The following WWOX variants were observed in gnomAD, a reference collection of about 807,000 sequenced individuals.
The protein encoded by WWOX is WW domain containing oxidoreductase.
In WWOX, 69 loss-of-function variants were observed where a neutral mutation model predicts 46.2. The ratio of observed to expected loss-of-function variants is 1.49; its 90% confidence interval spans 1.23 to 1.82. The LOEUF is 1.82. Ranked by LOEUF, WWOX falls within the 40% of genes most tolerant of loss-of-function variation. WWOX has a pLI of 0.00. For synonymous variants in WWOX, 359 were observed against 202.6 expected, an observed-to-expected ratio of 1.77 and a Z score of -6.56; for missense variants, 919 against 542.6, an observed-to-expected ratio of 1.69 and a Z score of -6.89.
intron 8 of WWOX, among the ~76,000 whole-genome samples, chr16:78,948,306 A>G (rs1352266381): frequency 6.6e-6 from 1 of 152,146 alleles, no homozygotes; most frequent in African/African-American, 2.4e-5. Context: ...TTGCTGTCTC[A>G]CCAAAGAACT....
intron 8 of WWOX, among the ~76,000 whole-genome samples, chr16:78,789,837 C>T (rs7195449): frequency 0.4 from 61,136 of 151,860 alleles, 12,850 homozygotes; most frequent in East Asian, 0.56. Context: ...GATATATTTT[C>T]GTTAATTCCT....
intron 8 of WWOX, among the ~76,000 whole-genome samples, chr16:78,826,444 A>C (rs189143611): frequency 1.4e-3 from 208 of 152,296 alleles, no homozygotes; most frequent in African/African-American, 4.8e-3. Flanking sequence ...TCTAGCTAAG[A>C]ATCTGTTCCT....
At chr16:78,571,883 T>G (rs970869479) in intron 8 of WWOX, among the ~76,000 whole-genome samples, 2 of 152,124 alleles carry the variant, frequency 1.3e-5, no homozygotes, top group African/African-American at 4.8e-5. Context: ...GGCATTGCTG[T>G]TAATACAACA....
chr16:78,743,929 G>A (rs1257294014), intron 8 of WWOX, among the ~76,000 whole-genome samples: 4 of 152,162 alleles, frequency 2.6e-5, no homozygotes, highest in Admixed American at 2.0e-4. Flanking sequence ...TGCTTGGGCT[G>A]CTCCCACCGT....
At chr16:78,101,418 T>C (rs10871346) in intron 1 of WWOX, among the ~76,000 whole-genome samples, 117,127 of 143,026 alleles carry the variant, frequency 0.82, 48,044 homozygotes, top group East Asian at 0.86. Flanking sequence ...GCGATCTCGG[T>C]TCACTGCAAC....
chr16:79,016,158 T>G (rs1214598551), intron 8 of WWOX: 2 of 152,408 alleles, frequency 1.3e-5, no homozygotes, highest in East Asian at 1.9e-4. Context: ...CAAAAGGCCC[T>G]GAATGTTTCA....
intron 8 of WWOX, among the ~76,000 whole-genome samples, chr16:78,893,379 T>C (rs1168695092): frequency 6.6e-6 from 1 of 152,084 alleles, no homozygotes; most frequent in Admixed American, 6.6e-5. Flanking sequence ...CATACCAGGC[T>C]CCCCCATTCA....
intron 8 of WWOX, among the ~76,000 whole-genome samples, chr16:78,602,281 G>T (rs2045639640): frequency 6.6e-6 from 1 of 152,152 alleles, no homozygotes; most frequent in Non-Finnish European, 1.5e-5. Context: ...CAGCCAGACT[G>T]GAGTGCAGTG....
At chr16:78,633,768 C>CT (rs1457193044) in intron 8 of WWOX, among the ~76,000 whole-genome samples, 1 of 152,200 alleles carries the variant, frequency 6.6e-6, no homozygotes, top group African/African-American at 2.4e-5. Flanking sequence ...ATCAAGAGGA[C>CT]TCCAGGCTGT....
intron 8 of WWOX, among the ~76,000 whole-genome samples, chr16:79,192,922 T>C (rs1470761768): frequency 6.6e-6 from 1 of 152,126 alleles, no homozygotes; most frequent in African/African-American, 2.4e-5. Flanking sequence ...ACTGGTACAG[T>C]GGTTGAAGAA....
At chr16:79,078,203 A>G (rs2048696263) in intron 8 of WWOX, 1 of 152,142 alleles carries the variant, frequency 6.6e-6, no homozygotes, top group African/African-American at 2.4e-5. Context: ...ACATTCAGAT[A>G]AAGTCTGTGG....
intron 8 of WWOX, among the ~76,000 whole-genome samples, chr16:79,125,941 T>G (rs1222357292): frequency 6.6e-6 from 1 of 152,224 alleles, no homozygotes; most frequent in Non-Finnish European, 1.5e-5. Flanking sequence ...TCTCTGTGAG[T>G]GCAGGAATCC....
intron 8 of WWOX, among the ~76,000 whole-genome samples, chr16:78,951,258 T>C (rs1263981069): frequency 6.6e-6 from 1 of 152,206 alleles, no homozygotes; most frequent in Non-Finnish European, 1.5e-5. Flanking sequence ...CTCTGTAAAC[T>C]TCATTTGCAG....
intron 8 of WWOX, among the ~76,000 whole-genome samples, chr16:78,767,641 C>T (rs1326120859): frequency 1.3e-5 from 2 of 152,078 alleles, no homozygotes; most frequent in Non-Finnish European, 2.9e-5. Context: ...TGAGAAACTG[C>T]CAAACTGTCT....
chr16:78,600,252 A>G (rs1194543044), intron 8 of WWOX, among the ~76,000 whole-genome samples: 1 of 151,978 alleles, frequency 6.6e-6, no homozygotes, highest in Non-Finnish European at 1.5e-5. Context: ...ACAGTTCAAG[A>G]TGAGATTTGG....
intron 8 of WWOX, among the ~76,000 whole-genome samples, chr16:78,736,424 C>T (rs1213712768): frequency 6.6e-6 from 1 of 152,102 alleles, no homozygotes; most frequent in African/African-American, 2.4e-5. Context: ...CTGACCAGGC[C>T]ACCAACAGCT....
chr16:78,636,845 A>C (rs542227752), intron 8 of WWOX, among the ~76,000 whole-genome samples: 2 of 152,188 alleles, frequency 1.3e-5, no homozygotes, highest in Admixed American at 6.5e-5. Context: ...TACGCTCTTC[A>C]TGGTACAGCC....
At chr16:78,489,671 G>A (rs1326822603) in intron 8 of WWOX, among the ~76,000 whole-genome samples, 1 of 152,152 alleles carries the variant, frequency 6.6e-6, no homozygotes, top group Non-Finnish European at 1.5e-5. Context: ...AAAAGAAGAG[G>A]ATGGAAATGG....
chr16:78,991,417 G>C (rs1490035193), intron 8 of WWOX, among the ~76,000 whole-genome samples: 4 of 151,930 alleles, frequency 2.6e-5, no homozygotes, highest in Non-Finnish European at 4.4e-5. Flanking sequence ...AACACAAGGA[G>C]ACTTCATCTC....
Sources: allele counts gnomAD v4.1 joint callset (sites outside exome capture counted in the v4.1 genomes callset), GRCh38; gene constraint gnomAD v4.1.1; transcripts MANE v1.5; gene names NCBI Gene and HGNC (gene_info 2026-07-23, HGNC 2026-07-21).